Variants in CNTN5 observed in about 807,000 individuals in gnomAD.
The protein encoded by CNTN5 is contactin-5.
In CNTN5, 77 loss-of-function variants were observed where a neutral mutation model predicts 129.1. The ratio of observed to expected loss-of-function variants is 0.60; its 90% confidence interval spans 0.50 to 0.72. The LOEUF (loss-of-function observed/expected upper bound fraction) is 0.72, where lower values mean the gene tolerates loss of function less well. CNTN5 is among the 30% of genes least tolerant of loss of function. The pLI is 0.00. For synonymous variants in CNTN5, 509 were observed against 465.6 expected (o/e 1.09, Z -1.20); for missense variants, 1,478 against 1,328.8 (o/e 1.11, Z -1.75).
chr11:99,189,840 C>T (rs2135588324), intron 1 of CNTN5, among the ~76,000 whole-genome samples: 1 of 151,608 alleles, frequency 6.6e-6, no homozygotes, highest in East Asian at 1.9e-4. Flanking sequence ...CACATATTTT[C>T]TCTCATTTTA....
At chr11:99,446,751 T>G (rs1464797075) in intron 2 of CNTN5, among the ~76,000 whole-genome samples, 1 of 152,198 alleles carries the variant, frequency 6.6e-6, no homozygotes, top group Non-Finnish European at 1.5e-5. Context: ...ATTAACTCAA[T>G]AGGCTATGTA....
intron 9 of CNTN5, among the ~76,000 whole-genome samples, chr11:100,035,113 C>T (rs1297423729): frequency 6.6e-6 from 1 of 152,004 alleles, no homozygotes; most frequent in Non-Finnish European, 1.5e-5. Context: ...TAATGCTATC[C>T]CTCCCCACTC....
chr11:99,556,212 AGGATGGCTTCCTCTTG>A lies in CNTN5; in HGVS notation c.-1_15del. On this transcript the variant is annotated start_lost and 5_prime_UTR_variant, in exon 3 of 25. Coordinates refer to ENST00000524871, the MANE Select transcript of CNTN5 (RefSeq NM_014361.4). ...GAGACACAGAAGATTCTAGTGACTG[AGGATGGCTTCCTCTTG>A]GAAACTAATGCTGTTTCTGTCAGTC... The A allele has an allele frequency of 6.6e-7, 1 of 1,511,272 alleles. No individual in the cohort carries two copies. The highest frequency in any genetic ancestry group is 8.9e-7 in the Non-Finnish European group (1 of 1,120,328). 93.6% of individuals were successfully genotyped at this position (1,511,272 alleles called of 1,614,324 possible). A position where few individuals can be genotyped will look rare whatever the true frequency, so the allele number is the denominator to read the frequency against.
chr11:99,999,341 G>T (rs184614250), intron 8 of CNTN5, among the ~76,000 whole-genome samples: 60 of 152,294 alleles, frequency 3.9e-4, no homozygotes, highest in African/African-American at 1.4e-3. Flanking sequence ...CAAAAAGTGG[G>T]CGAAGGACAT....
At chr11:99,295,582 G>A (rs1472632476) in intron 1 of CNTN5, among the ~76,000 whole-genome samples, 3 of 152,210 alleles carry the variant, frequency 2.0e-5, no homozygotes, top group Non-Finnish European at 4.4e-5. Context: ...TGGGTTAAGA[G>A]TTTTGACTGA....
chr11:99,886,660 G>C (rs755726429), intron 6 of CNTN5, among the ~76,000 whole-genome samples: 6 of 152,042 alleles, frequency 3.9e-5, no homozygotes, highest in African/African-American at 1.4e-4. Context: ...AAAAATACTA[G>C]TAATGACGCT....
intron 8 of CNTN5, among the ~76,000 whole-genome samples, chr11:99,982,161 G>A (rs954031683): frequency 2.0e-5 from 3 of 152,150 alleles, no homozygotes; most frequent in Non-Finnish European, 2.9e-5. Flanking sequence ...AACTTCAAAC[G>A]AATGACTAAA....
intron 9 of CNTN5, among the ~76,000 whole-genome samples, chr11:100,034,618 A>C (rs142520226): frequency 7.9e-5 from 12 of 152,340 alleles, no homozygotes; most frequent in East Asian, 1.9e-4. Flanking sequence ...ACCTGTTTTC[A>C]CGAAACAGGT....
Position 99,370,709 on chromosome 11 carries a change from A to C in CNTN5, c.-71+45225A>C, listed in dbSNP as rs556162516. On this transcript the variant is annotated intron_variant, in intron 2 of 24. Transcript: ENST00000524871. ...TAGAGCCAGGCATGAGTGAGGGTGA[A>C]GGATATTGTTGCTACTCTCTGTCAC... Among the ~76,000 whole-genome samples, 20 of 152,316 alleles carry C rather than the reference A, an allele frequency of 1.3e-4. No individual in the cohort carries two copies. The South Asian group carries it at 4.1e-3, about 32-fold the overall frequency.
chr11:99,840,344 A>G (rs1249702964), intron 4 of CNTN5, among the ~76,000 whole-genome samples: 1 of 152,180 alleles, frequency 6.6e-6, no homozygotes, highest in Non-Finnish European at 1.5e-5. Context: ...GAAATGGAAA[A>G]ACCATGGGAA....
At chr11:100,337,196 G>A (rs1952054925) in intron 21 of CNTN5, 1 of 1,536,702 alleles carries the variant, frequency 6.5e-7, no homozygotes, top group East Asian at 2.3e-5. Context: ...GACACCAGCA[G>A]TGAAAACACT....
intron 1 of CNTN5, among the ~76,000 whole-genome samples, chr11:99,233,434 C>T (rs1174812154): frequency 6.6e-6 from 1 of 152,120 alleles, no homozygotes; most frequent in Non-Finnish European, 1.5e-5. Context: ...AGGAGGCACA[C>T]AGGTACAAAT....
At chr11:99,316,081 C>A (rs1865327651) in intron 1 of CNTN5, among the ~76,000 whole-genome samples, 1 of 151,784 alleles carries the variant, frequency 6.6e-6, no homozygotes. Context: ...TCTAGAGGAA[C>A]CATTCCTGTT....
chr11:99,359,008 A>G (rs1370579145), intron 2 of CNTN5, among the ~76,000 whole-genome samples: 1 of 152,180 alleles, frequency 6.6e-6, no homozygotes. Context: ...TCAGTGTTAC[A>G]TTTCTTGTTG....
At chr11:99,968,819 C>T (rs1951170020) in intron 8 of CNTN5, among the ~76,000 whole-genome samples, 2 of 151,556 alleles carry the variant, frequency 1.3e-5, no homozygotes, top group Non-Finnish European at 2.9e-5. Context: ...AAAGTTTTGA[C>T]AGGAACACTC....
chr11:99,759,167 A>T (rs539815542), intron 3 of CNTN5, among the ~76,000 whole-genome samples: 2 of 152,214 alleles, frequency 1.3e-5, no homozygotes, highest in African/African-American at 4.8e-5. Flanking sequence ...AATTTGCCCT[A>T]GGTTACACAA....
At chr11:99,907,802 T>C (rs1431309489) in intron 6 of CNTN5, among the ~76,000 whole-genome samples, 11 of 152,110 alleles carry the variant, frequency 7.2e-5, no homozygotes, top group African/African-American at 2.6e-4. Flanking sequence ...GTTGTAAAGT[T>C]GTAAATAAGT....
intron 3 of CNTN5, among the ~76,000 whole-genome samples, chr11:99,627,586 G>A (rs1951177358): frequency 6.6e-6 from 1 of 152,096 alleles, no homozygotes; most frequent in Admixed American, 6.6e-5. Flanking sequence ...GAAGAAATAT[G>A]TGTCTCAGAA....
At chr11:99,786,334 C>A (rs1043930287) in intron 3 of CNTN5, among the ~76,000 whole-genome samples, 34 of 151,940 alleles carry the variant, frequency 2.2e-4, no homozygotes, top group African/African-American at 7.0e-4. Flanking sequence ...AACTACAAAC[C>A]GCTGCTCAAG....
Sources: allele counts gnomAD v4.1 joint callset (sites outside exome capture counted in the v4.1 genomes callset), GRCh38; gene constraint gnomAD v4.1.1; transcripts MANE v1.5; gene names NCBI Gene and HGNC (gene_info 2026-07-23, HGNC 2026-07-21).